OSBPL10: variants seen among roughly 807,000 people sequenced by gnomAD.
OSBPL10 encodes oxysterol-binding protein-related protein 10.
A neutral mutation model predicts 81.7 loss-of-function variants in OSBPL10; 49 were observed. The observed-to-expected ratio is 0.60, with a 90% CI of 0.48 to 0.76. The LOEUF is 0.76. Among genes scored for constraint, OSBPL10 ranks in the 30% least tolerant of loss-of-function variants. The probability of loss-of-function intolerance (pLI) is 0.00; values close to 1 mark genes in which losing one functional copy is unlikely to be tolerated. For missense variants in OSBPL10, 923 were observed against 987.8 expected (o/e 0.93, Z 0.88); for synonymous variants, 419 against 383.6 (o/e 1.09, Z -1.08).
intron 4 of OSBPL10, chr3:31,796,253 T>C (rs1699208073): frequency 5.2e-6 from 1 of 191,422 alleles, no homozygotes; most frequent in African/African-American, 2.4e-5. Flanking sequence ...GAGAAAGGCT[T>C]TAAGAGTACA....
At chr3:31,742,390 T>C (rs1697378738) in intron 5 of OSBPL10, among the ~76,000 whole-genome samples, 1 of 152,134 alleles carries the variant, frequency 6.6e-6, no homozygotes, top group Non-Finnish European at 1.5e-5. Context: ...CCGCAAATCT[T>C]TTAAGTGGAT....
At chr3:32,030,047 G>A (rs1465280511) in intron 2 of OSBPL10, 1 of 170,320 alleles carries the variant, frequency 5.9e-6, no homozygotes, top group East Asian at 1.7e-4. Context: ...TAAAACAGAA[G>A]AGACTGAGTC....
intron 3 of OSBPL10, among the ~76,000 whole-genome samples, chr3:31,831,914 A>G (rs749162305): frequency 6.6e-6 from 1 of 152,222 alleles, no homozygotes; most frequent in African/African-American, 2.4e-5. Context: ...GTGAAATGCT[A>G]TATGTCCCTG....
At chr3:31,857,611 C>G (rs1332557282) in intron 3 of OSBPL10, among the ~76,000 whole-genome samples, 1 of 150,966 alleles carries the variant, frequency 6.6e-6, no homozygotes, top group Non-Finnish European at 1.5e-5. Context: ...TGAGTAACTA[C>G]ATTTTTAATA....
intron 1 of OSBPL10, among the ~76,000 whole-genome samples, chr3:31,912,101 A>G (rs1338473159): frequency 7.9e-6 from 1 of 126,108 alleles, no homozygotes; most frequent in Admixed American, 7.5e-5. Flanking sequence ...TGTTTAAATC[A>G]AAAAAAAAAA....
At chr3:31,776,827 T>C (rs1468179789) in intron 4 of OSBPL10, among the ~76,000 whole-genome samples, 1 of 152,138 alleles carries the variant, frequency 6.6e-6, no homozygotes, top group Non-Finnish European at 1.5e-5. Flanking sequence ...TATGGAGTAT[T>C]TTCTTGGGGT....
At position 31,876,375 on chromosome 3, in the gene OSBPL10, G is replaced by A. The variant is rs949883995; in HGVS notation, c.537+58C>T. ...CACCTTCCCCGAAGAAACAAATAAT[G>A]GGGCTGAAAGCCAGGCTGGTTATTC... On this transcript the variant is annotated intron_variant, in intron 3 of 11. Transcript: ENST00000396556. 4.2e-6 allele frequency: 6 copies of A among 1,418,348 alleles called. No homozygotes were observed. In the African/African-American group the frequency reaches 8.5e-5, roughly 20 times the overall value. The allele number at this position is 1,418,348 out of a possible 1,614,324, so 87.9% of individuals were successfully genotyped here.
chr3:31,796,802 G>A (rs185491099), intron 4 of OSBPL10, among the ~76,000 whole-genome samples: 6 of 151,952 alleles, frequency 3.9e-5, no homozygotes, highest in Admixed American at 3.3e-4. Context: ...ACCCAATGAG[G>A]GCTTTTACCT....
chr3:31,998,393 T>C (rs1458102087), intron 2 of OSBPL10, among the ~76,000 whole-genome samples: 2 of 152,146 alleles, frequency 1.3e-5, no homozygotes, highest in African/African-American at 4.8e-5. Context: ...AGTCTGTTGA[T>C]TTCTTGCTAG....
intron 3 of OSBPL10, among the ~76,000 whole-genome samples, chr3:31,852,480 G>A (rs548876201): frequency 3.1e-4 from 47 of 152,286 alleles, no homozygotes; most frequent in African/African-American, 8.7e-4. Flanking sequence ...ACCTATGAAC[G>A]ACAGTGCACT....
chr3:31,892,202 G>A (rs1353351884), intron 1 of OSBPL10, among the ~76,000 whole-genome samples: 1 of 151,968 alleles, frequency 6.6e-6, no homozygotes, highest in Admixed American at 6.6e-5. Context: ...GCACGTGTAT[G>A]GCCCTGAGGA....
At chr3:31,741,518 C>T (rs1447360943) in intron 5 of OSBPL10, among the ~76,000 whole-genome samples, 1 of 152,232 alleles carries the variant, frequency 6.6e-6, no homozygotes, top group African/African-American at 2.4e-5. Context: ...CCACCTTGGC[C>T]TCCTGAAGTG....
intron 1 of OSBPL10, among the ~76,000 whole-genome samples, chr3:32,070,526 C>A (rs1256243292): frequency 6.6e-6 from 1 of 152,174 alleles, no homozygotes; most frequent in East Asian, 1.9e-4. Context: ...CCCTCCCTGG[C>A]AACTGATCAC....
At chr3:31,764,142 A>G (rs947657812) in intron 4 of OSBPL10, among the ~76,000 whole-genome samples, 1 of 152,212 alleles carries the variant, frequency 6.6e-6, no homozygotes, top group Non-Finnish European at 1.5e-5. Flanking sequence ...ACTGCTTTCT[A>G]CTCCTTCTCC....
chr3:31,973,836 A>G (rs567301725), intron 1 of OSBPL10, among the ~76,000 whole-genome samples: 113 of 152,356 alleles, frequency 7.4e-4, no homozygotes, highest in Non-Finnish European at 1.5e-3. Context: ...CTAGGTATTT[A>G]CCCAAAAGAA....
chr3:31,884,288 T>G (rs1695671753), intron 1 of OSBPL10, among the ~76,000 whole-genome samples: 1 of 152,230 alleles, frequency 6.6e-6, no homozygotes, highest in African/African-American at 2.4e-5. Context: ...TAAAATAGTT[T>G]CAATGCAAAT....
At chr3:31,701,868 A>C (rs1423439616) in intron 7 of OSBPL10, 1 of 154,304 alleles carries the variant, frequency 6.5e-6, no homozygotes, top group Non-Finnish European at 1.4e-5. Flanking sequence ...CAACAAGGTT[A>C]CCCTTGGGGA....
At chr3:31,821,707 T>C (rs7625241) in intron 4 of OSBPL10, among the ~76,000 whole-genome samples, 40,090 of 152,134 alleles carry the variant, frequency 0.26, 5,334 homozygotes, top group Middle Eastern at 0.29. Context: ...GAAAATTAAT[T>C]AAGGACCTTT....
At position 31,828,918 on chromosome 3, in the gene OSBPL10, T is replaced by C. The variant is rs937706686; in HGVS notation, c.729+1122A>G. On this transcript the variant is annotated intron_variant, in intron 4 of 11. Transcript: ENST00000396556. ...TTCCAATAGAATTCTGACTCTCTAC[T>C]TTTTCTTTATTAGGCAAGACACAGT... Among the ~76,000 whole-genome samples, 59 of 152,198 alleles carry C rather than the reference T, an allele frequency of 3.9e-4. 1 individual carries two copies. Among genetic ancestry groups the C allele is most frequent in the African/African-American group, 1.4e-3 (58 of 41,444 alleles).
Sources: allele counts gnomAD v4.1 joint callset (sites outside exome capture counted in the v4.1 genomes callset), GRCh38; gene constraint gnomAD v4.1.1; transcripts MANE v1.5; gene names NCBI Gene and HGNC (gene_info 2026-07-23, HGNC 2026-07-21).